DLGAP1: variants seen among roughly 807,000 people sequenced by gnomAD.
The protein encoded by DLGAP1 is disks large-associated protein 1.
DLGAP1 carries 11 observed loss-of-function variants against 90.8 expected under a neutral mutation model. The observed-to-expected ratio is 0.12, with a 90% CI of 0.08 to 0.20. The LOEUF (loss-of-function observed/expected upper bound fraction) is 0.20. Ranked by LOEUF, DLGAP1 falls within the 10% of genes least tolerant of loss-of-function variation. DLGAP1 has a pLI of 1.00. For synonymous variants in DLGAP1, 558 were observed against 540.7 expected, an observed-to-expected ratio of 1.03 and a Z score of -0.44; for missense variants, 1,050 against 1,333.8, an observed-to-expected ratio of 0.79 and a Z score of 3.31.
intron 1 of DLGAP1, among the ~76,000 whole-genome samples, chr18:4,194,841 C>T (rs142715325): frequency 1.8e-4 from 28 of 152,112 alleles, no homozygotes; most frequent in East Asian, 1.4e-3. Context: ...CACAAAGTCA[C>T]GGTTTTGATA....
chr18:3,874,605 A>T (rs2070946000), intron 4 of DLGAP1: 2 of 1,530,334 alleles, frequency 1.3e-6, no homozygotes, highest in Non-Finnish European at 1.7e-6. Context: ...TTAACTATTA[A>T]GCACTTACCC....
At chr18:3,656,961 T>C (rs1489906084) in intron 7 of DLGAP1, among the ~76,000 whole-genome samples, 3 of 152,030 alleles carry the variant, frequency 2.0e-5, no homozygotes, top group Non-Finnish European at 4.4e-5. Flanking sequence ...TTAGTCAGGA[T>C]GGTCTCGATC....
intron 5 of DLGAP1, among the ~76,000 whole-genome samples, chr18:3,744,095 C>A (rs931398130): frequency 2.0e-5 from 3 of 151,888 alleles, no homozygotes; most frequent in Non-Finnish European, 4.4e-5. Context: ...CCCCCATAGC[C>A]GCTATTATTT....
intron 3 of DLGAP1, among the ~76,000 whole-genome samples, chr18:3,936,256 A>AGT (rs1433211079): frequency 2.6e-5 from 4 of 152,240 alleles, no homozygotes; most frequent in African/African-American, 9.6e-5. Context: ...CTGGGTCAAG[A>AGT]GTGAGCTCTG....
intron 4 of DLGAP1, among the ~76,000 whole-genome samples, chr18:3,869,371 A>G (rs1022175380): frequency 6.6e-6 from 1 of 152,112 alleles, no homozygotes; most frequent in African/African-American, 2.4e-5. Context: ...ACACCATCCT[A>G]GGCAACATAG....
chr18:4,154,866 C>T (rs902289898), intron 1 of DLGAP1, among the ~76,000 whole-genome samples: 3 of 152,142 alleles, frequency 2.0e-5, no homozygotes, highest in South Asian at 4.1e-4. Flanking sequence ...CTATCATATG[C>T]CAAGCACTAT....
chr18:3,725,215 C>G (rs982760035), intron 7 of DLGAP1, among the ~76,000 whole-genome samples: 2 of 152,100 alleles, frequency 1.3e-5, no homozygotes, highest in Non-Finnish European at 2.9e-5. Flanking sequence ...AATTAGATCA[C>G]CACATATGAT....
chr18:3,741,319 C>T (rs1568050432), intron 6 of DLGAP1, among the ~76,000 whole-genome samples: 1 of 141,108 alleles, frequency 7.1e-6, no homozygotes, highest in African/African-American at 2.8e-5. Context: ...TCACCACCAC[C>T]ACCACCACCA....
chr18:3,575,903 G>A (rs913753449), intron 8 of DLGAP1, among the ~76,000 whole-genome samples: 1 of 152,062 alleles, frequency 6.6e-6, no homozygotes, highest in Non-Finnish European at 1.5e-5. Flanking sequence ...AGTGCCACAA[G>A]GTGCTCCCAT....
intron 1 of DLGAP1, among the ~76,000 whole-genome samples, chr18:4,298,621 T>C (rs2080042887): frequency 6.7e-6 from 1 of 149,880 alleles, no homozygotes; most frequent in South Asian, 2.1e-4. Flanking sequence ...TGGGGACTGT[T>C]GTGGGGTGGG....
intron 7 of DLGAP1, among the ~76,000 whole-genome samples, chr18:3,692,261 T>C (rs369964469): frequency 1.3e-5 from 2 of 148,852 alleles, no homozygotes; most frequent in Admixed American, 1.3e-4. Context: ...ATTTCCATTA[T>C]GTGTATTTTT....
chr18:3,552,077 G>A (rs2053510083), intron 9 of DLGAP1, among the ~76,000 whole-genome samples: 1 of 151,672 alleles, frequency 6.6e-6, no homozygotes, highest in Non-Finnish European at 1.5e-5. Context: ...TAAAGACCTG[G>A]GATTAGGCAT....
intron 5 of DLGAP1, among the ~76,000 whole-genome samples, chr18:3,746,206 T>C (rs1341131333): frequency 6.6e-6 from 1 of 152,184 alleles, no homozygotes. Flanking sequence ...AATGAATTCC[T>C]ACTAAGCATA....
intron 5 of DLGAP1, chr18:3,770,785 T>C (rs1011319291): frequency 2.0e-5 from 3 of 152,164 alleles, no homozygotes; most frequent in African/African-American, 4.8e-5. Context: ...CAGAATCACA[T>C]AGTATTTAAA....
chr18:3,697,946 C>T (rs1158161061), intron 7 of DLGAP1, among the ~76,000 whole-genome samples: 1 of 152,196 alleles, frequency 6.6e-6, no homozygotes, highest in Non-Finnish European at 1.5e-5. Context: ...TAATGCCCTT[C>T]TTAGTCTTTT....
chr18:3,991,170 A>C (rs1399879148), intron 3 of DLGAP1, among the ~76,000 whole-genome samples: 2 of 152,026 alleles, frequency 1.3e-5, no homozygotes, highest in Non-Finnish European at 2.9e-5. Flanking sequence ...AGTAAATATT[A>C]ATATAAAAAA....
At chr18:3,975,106 T>G (rs1259731207) in intron 3 of DLGAP1, among the ~76,000 whole-genome samples, 1 of 152,128 alleles carries the variant, frequency 6.6e-6, no homozygotes, top group Non-Finnish European at 1.5e-5. Flanking sequence ...GGAGATCTGT[T>G]GCACCACAAT....
In DLGAP1 at chr18:3,845,398, G is replaced by C. The variant is rs2068950695; in HGVS notation, c.958-31125C>G. ...GTAAACACAGGACTTGGGGGTGGGG[G>C]GAGAGTGGTTGGTCATGGCTCACAA... On this transcript the variant is annotated intron_variant, in intron 4 of 12. Coordinates refer to ENST00000315677, the MANE Select transcript of DLGAP1 (RefSeq NM_004746.4). 14 of 1,401,208 alleles carry C rather than the reference G, an allele frequency of 1.0e-5. No homozygotes were observed. The East Asian group carries it at 3.6e-4, about 36-fold the overall frequency. The allele number at this position is 1,401,208 out of a possible 1,614,324, so 86.8% of individuals were successfully genotyped here.
At chr18:4,290,010 C>T (rs1163793863) in intron 1 of DLGAP1, among the ~76,000 whole-genome samples, 1 of 152,048 alleles carries the variant, frequency 6.6e-6, no homozygotes, top group African/African-American at 2.4e-5. Context: ...ATGTAACATT[C>T]TATGTAAAAA....
Sources: allele counts gnomAD v4.1 joint callset (sites outside exome capture counted in the v4.1 genomes callset), GRCh38; gene constraint gnomAD v4.1.1; transcripts MANE v1.5; gene names NCBI Gene and HGNC (gene_info 2026-07-23, HGNC 2026-07-21).